Variants in TGFBR2 observed in about 807,000 individuals in gnomAD.
TGFBR2 encodes TGF-beta receptor type-2.
Under a neutral mutation model 49.0 loss-of-function variants are expected in TGFBR2, and 18 were observed. The observed-to-expected ratio is 0.37, with a 90% CI of 0.25 to 0.54. TGFBR2 has a LOEUF of 0.54. TGFBR2 is among the 20% of genes least tolerant of loss of function. The pLI is 0.85. For synonymous variants in TGFBR2, 282 were observed against 275.9 expected (o/e 1.02, Z -0.22); for missense variants, 525 against 722.6 (o/e 0.73, Z 3.13).
At chr3:30,664,174 G>C (rs1432315016) in intron 3 of TGFBR2, among the ~76,000 whole-genome samples, 1 of 150,494 alleles carries the variant, frequency 6.6e-6, no homozygotes, top group East Asian at 2.0e-4. Context: ...TATACAGACA[G>C]GGTCTCAATA....
In TGFBR2 at chr3:30,676,874, A is replaced by G. The variant is rs551300325; in HGVS notation, c.1396+2628A>G. Among the ~76,000 whole-genome samples the G allele has an allele frequency of 6.6e-6, 1 of 152,328 alleles. No individual in the cohort carries two copies. The highest frequency in any genetic ancestry group is 2.1e-4 in the South Asian group (1 of 4,828). ...TCCCCCAAAACACTTCCAAAAGTTA[A>G]CTTTGTTTTTCCTTGCACAGTGAAA... On this transcript the variant is annotated intron_variant, in intron 5 of 6. Transcript: ENST00000295754. This position sits in a 1 kb window ranked among gnomAD's most constrained non-coding sequence, Gnocchi z 4.3.
At chr3:30,681,074 C>T (rs1411192711) in intron 5 of TGFBR2, among the ~76,000 whole-genome samples, 1 of 147,976 alleles carries the variant, frequency 6.8e-6, no homozygotes, top group Non-Finnish European at 1.5e-5. Flanking sequence ...ACGTAGCAGC[C>T]AGCTGAACAA....
chr3:30,661,623 G>T, intron 3 of TGFBR2: 2 of 514,564 alleles, frequency 3.9e-6, no homozygotes, highest in Non-Finnish European at 7.8e-6. Context: ...ATGTGATGAA[G>T]ACCCCAGGGT....
chr3:30,644,638 C>T, intron 1 of TGFBR2, 109 bp from the exon 2 acceptor site: 1 of 1,053,854 alleles, frequency 9.5e-7, no homozygotes, highest in Non-Finnish European at 1.4e-6. Context: ...TCTTCAGATT[C>T]ATTCTCATGA....
intron 1 of TGFBR2, among the ~76,000 whole-genome samples, chr3:30,628,042 T>C (rs1698365347): frequency 1.3e-5 from 2 of 152,118 alleles, no homozygotes; most frequent in African/African-American, 4.8e-5. Context: ...GATAGTCTAA[T>C]GTTTGTGGAA....
At chr3:30,628,327 A>G (rs1206355196) in intron 1 of TGFBR2, among the ~76,000 whole-genome samples, 1 of 151,876 alleles carries the variant, frequency 6.6e-6, no homozygotes, top group Non-Finnish European at 1.5e-5. Flanking sequence ...CCCTGAAGGG[A>G]TGCTTTTAAT....
rs1326680376 is a variant in TGFBR2 at position 30,622,371 on chromosome 3, C to T, written c.94+15394C>T. On this transcript the variant is annotated intron_variant, in intron 1 of 6. Transcript: ENST00000295754. Reference sequence around the variant, plus strand: ...GTTGGTTGATAGCAGCCACTTAGACCTCAGTTCACTATGGGTTTCTGTGTA... The same window carrying T: ...GTTGGTTGATAGCAGCCACTTAGACTTCAGTTCACTATGGGTTTCTGTGTA... Among the ~76,000 whole-genome samples, 6 of 152,126 alleles carry T rather than the reference C, an allele frequency of 3.9e-5. No individual in the cohort carries two copies. In the East Asian group the frequency reaches 1.2e-3, roughly 29 times the overall value.
chr3:30,640,852 A>G (rs1425532634), intron 1 of TGFBR2, among the ~76,000 whole-genome samples: 1 of 152,196 alleles, frequency 6.6e-6, no homozygotes, highest in African/African-American at 2.4e-5. Flanking sequence ...TGGGTTTTGT[A>G]TCGTTGTTTA....
chr3:30,688,247 A>G (rs973264306), intron 5 of TGFBR2, 137 bp from the exon 6 acceptor site: 23 of 1,099,164 alleles, frequency 2.1e-5, no homozygotes, highest in Non-Finnish European at 2.5e-5. Context: ...TATTATTAAA[A>G]TTTGCTCTTA....
intron 3 of TGFBR2, among the ~76,000 whole-genome samples, chr3:30,661,278 T>C (rs1699122676): frequency 6.7e-6 from 1 of 148,242 alleles, no homozygotes; most frequent in Admixed American, 6.8e-5. Context: ...CCAAAGAACA[T>C]ATATCAGGTG....
chr3:30,607,464 G>C (rs2125439504), intron 1 of TGFBR2, among the ~76,000 whole-genome samples: 1 of 152,336 alleles, frequency 6.6e-6, no homozygotes, highest in South Asian at 2.1e-4. Flanking sequence ...AGACGGCCAC[G>C]CTTTCCCTCA....
chr3:30,609,081 G>T (rs528345794), intron 1 of TGFBR2, among the ~76,000 whole-genome samples: 1 of 152,122 alleles, frequency 6.6e-6, no homozygotes, highest in African/African-American at 2.4e-5. Context: ...GCTTAAAAAC[G>T]TGGTGGCTTT....
At chr3:30,678,687 C>T (rs1206556199) in intron 5 of TGFBR2, among the ~76,000 whole-genome samples, 1 of 151,822 alleles carries the variant, frequency 6.6e-6, no homozygotes, top group East Asian at 1.9e-4. Flanking sequence ...GTAAGTGTGG[C>T]TGCTTGGATT....
chr3:30,630,960 C>T (rs1385737309), intron 1 of TGFBR2, among the ~76,000 whole-genome samples: 2 of 151,590 alleles, frequency 1.3e-5, no homozygotes, highest in African/African-American at 4.8e-5. Flanking sequence ...CACCCAGTCT[C>T]ACATATTTTG....
chr3:30,675,243 A>T (rs1162156272), intron 5 of TGFBR2, among the ~76,000 whole-genome samples: 1 of 152,132 alleles, frequency 6.6e-6, no homozygotes, highest in African/African-American at 2.4e-5. Context: ...TTGAACTAGA[A>T]CTGCCTTTCG....
At chr3:30,647,579 C>G (rs1166918079) in intron 2 of TGFBR2, among the ~76,000 whole-genome samples, 1 of 151,996 alleles carries the variant, frequency 6.6e-6, no homozygotes, top group Admixed American at 6.6e-5. Context: ...TTCATTCATT[C>G]ATTCATTCAT....
At chr3:30,674,314 G>A (rs1699395673) in intron 5 of TGFBR2, 68 bp downstream of exon 5, 10 of 1,591,296 alleles carry the variant, frequency 6.3e-6, no homozygotes, top group Middle Eastern at 2.0e-4. Flanking sequence ...GTGTTGCTTC[G>A]AGCATTATTC....
chr3:30,624,538 C>A (rs1258058373), intron 1 of TGFBR2, among the ~76,000 whole-genome samples: 1 of 151,974 alleles, frequency 6.6e-6, no homozygotes, highest in Non-Finnish European at 1.5e-5. Context: ...ATCACTTGAA[C>A]CTGGGAGGCG....
intron 2 of TGFBR2, among the ~76,000 whole-genome samples, chr3:30,645,270 G>A (rs894712145): frequency 6.6e-6 from 1 of 152,224 alleles, no homozygotes; most frequent in East Asian, 1.9e-4. Context: ...GCACCCCATA[G>A]TGAGACCAGG....
Sources: allele counts gnomAD v4.1 joint callset (sites outside exome capture counted in the v4.1 genomes callset), GRCh38; gene constraint gnomAD v4.1.1; non-coding constraint Gnocchi (gnomAD v3.1); transcripts MANE v1.5; gene names NCBI Gene and HGNC (gene_info 2026-07-23, HGNC 2026-07-21).